The following KDM6B variants were observed in gnomAD, a reference collection of about 807,000 sequenced individuals.
KDM6B encodes the protein lysine demethylase 6B, also known as lysine-specific demethylase 6B.
A neutral mutation model predicts 150.4 loss-of-function variants in KDM6B; 22 were observed. That is an observed-to-expected ratio of 0.15 (90% confidence interval 0.10 to 0.21). The LOEUF (loss-of-function observed/expected upper bound fraction) is 0.21, where lower values mean the gene tolerates loss of function less well. Ranked by LOEUF, KDM6B falls within the 10% of genes least tolerant of loss-of-function variation. The pLI is 1.00. For synonymous variants in KDM6B, 1,148 were observed against 921.1 expected (o/e 1.25, Z -4.46); for missense variants, 1,984 against 2,234.3 (o/e 0.89, Z 2.26).
In KDM6B at chr17:7,850,069, C is replaced by T. The variant is rs766907483; in HGVS notation, c.3568-3C>T. The T allele has an allele frequency of 8.1e-6, 13 of 1,613,788 alleles. No homozygotes were observed. The highest frequency in any genetic ancestry group is 1.1e-5 in the Non-Finnish European group (13 of 1,179,932). On this transcript the variant is annotated splice_region_variant and splice_polypyrimidine_tract_variant and intron_variant, in intron 13 of 23. Transcript: ENST00000448097. Reference sequence around the variant, plus strand: ...GACCCCAGCTCTCCTGGTCATGTCTCAGCTGGAGAGCAAACGGGATGCCTT... The same window carrying T: ...GACCCCAGCTCTCCTGGTCATGTCTTAGCTGGAGAGCAAACGGGATGCCTT...
At chr17:7,842,536 G>A (rs918031279) in intron 2 of KDM6B, among the ~76,000 whole-genome samples, 2 of 152,192 alleles carry the variant, frequency 1.3e-5, no homozygotes, top group Non-Finnish European at 2.9e-5. Flanking sequence ...ATAGACACCG[G>A]GAGTCAGGGA....
At position 7,849,308 on chromosome 17, in the gene KDM6B, C is replaced by CCAAGGT; in HGVS notation, c.3022_3027dup (p.Lys1008_Val1009dup). On this transcript the variant is annotated inframe_insertion, in exon 12 of 24. Transcript: ENST00000448097. Reference sequence around the variant, plus strand: ...CGTGAGGGCAGGGCAAAGGCCAAGGCCAAGGTCCCCAAAGAAAAGAGCCGC... The same window carrying CCAAGGT: ...CGTGAGGGCAGGGCAAAGGCCAAGGCCAAGGTCAAGGTCCCCAAAGAAAAGAGCCGC... 3.8e-6 allele frequency: 6 copies of CCAAGGT among 1,560,714 alleles called. No homozygotes were observed. The highest frequency in any genetic ancestry group is 5.2e-6 in the Non-Finnish European group (6 of 1,152,426).
Position 7,852,994 on chromosome 17 carries a change from C to T in KDM6B, c.4611-6C>T, listed in dbSNP as rs1250658080. The T allele has an allele frequency of 1.2e-6, 2 of 1,613,710 alleles. No homozygotes were observed. Among genetic ancestry groups the T allele is most frequent in the Non-Finnish European group, 1.7e-6 (2 of 1,180,024 alleles). On this transcript the variant is annotated splice_region_variant and splice_polypyrimidine_tract_variant and intron_variant, in intron 21 of 23. Coordinates refer to ENST00000448097, the MANE Select transcript of KDM6B (RefSeq NM_001348716.2). ...GTGGTCTCAACACAACCCCACTGCT[C>T]CCCAGGTTCTGCCTGCTGCAGTCCA... is the stretch of plus-strand genomic sequence containing the variant.
At chr17:7,852,411 G>A (rs568754630) in intron 20 of KDM6B, 75 bp downstream of exon 20, 2 of 1,289,032 alleles carry the variant, frequency 1.6e-6, no homozygotes, top group Non-Finnish European at 2.1e-6. Context: ...GGCTTGGAGA[G>A]CCGCCAGCAG....
rs2078543386 is a variant in KDM6B, at chr17:7,846,574, C to T, written c.550-5C>T. On this transcript the variant is annotated splice_region_variant and splice_polypyrimidine_tract_variant and intron_variant, in intron 8 of 23. Transcript: ENST00000448097. ...CCATTTTCTCTTCTCTCTTTTTGTT[C>T]TCAGCACAAACGGAACTATGGAGCC... The T allele has an allele frequency of 4.3e-6, 7 of 1,614,048 alleles. No homozygotes were observed. Among genetic ancestry groups the T allele is most frequent in the South Asian group, 3.3e-5 (3 of 91,088 alleles).
intron 1 of KDM6B, among the ~76,000 whole-genome samples, chr17:7,839,646 G>A (rs2078385414): frequency 1.3e-5 from 2 of 152,272 alleles, no homozygotes; most frequent in African/African-American, 4.8e-5. Flanking sequence ...TGTCAGAAGA[G>A]GGATCACGGG....
Position 7,853,197 on chromosome 17 carries a change from C to T in KDM6B, c.4738-13C>T, listed in dbSNP as rs2151380328. Reference sequence around the variant, plus strand: ...CCTCCCTCCCCCTGACTGCACTGTCCTCCCTGCCCCAGGTGGAGGTGTTTA... The same window carrying T: ...CCTCCCTCCCCCTGACTGCACTGTCTTCCCTGCCCCAGGTGGAGGTGTTTA... On this transcript the variant is annotated splice_polypyrimidine_tract_variant and intron_variant, in intron 22 of 23. Transcript: ENST00000448097. 6.2e-7 allele frequency: 1 copy of T among 1,613,536 alleles called. No individual in the cohort carries two copies.
Position 7,846,095 on chromosome 17 carries a change from C to A in KDM6B, c.254C>A (p.Pro85His). ...YYAPGAPTPR[P>H]LHGKLESLHG... is the part of the protein sequence containing the mutation. Reference sequence around the variant, plus strand: ...CTCTGTAGGGCGCCCACTCCAAGACCCCTCCATGGGAAGCTGGAATCCCTG... The same window carrying A: ...CTCTGTAGGGCGCCCACTCCAAGACACCTCCATGGGAAGCTGGAATCCCTG... Residue 85 changes from proline to histidine, a missense_variant, in exon 7 of 24, where the codon CCC becomes CAC. Transcript: ENST00000448097. The A allele has an allele frequency of 6.2e-7, 1 of 1,612,082 alleles. No individual in the cohort carries two copies. The highest frequency in any genetic ancestry group is 8.5e-7 in the Non-Finnish European group (1 of 1,179,334).
chr17:7,845,175 G>A lies in KDM6B; in HGVS notation c.-148-139G>A, dbSNP rs371487519. On this transcript the variant is annotated intron_variant, in intron 3 of 23. Coordinates refer to ENST00000448097, the MANE Select transcript of KDM6B (RefSeq NM_001348716.2). Reference sequence around the variant, plus strand: ...TGGGCCTCTAGGGAGTGGTTGGGCCGGGCCTCCCTTTGGGGAAAGCTAAGG... The same window carrying A: ...TGGGCCTCTAGGGAGTGGTTGGGCCAGGCCTCCCTTTGGGGAAAGCTAAGG... The A allele has an allele frequency of 3.8e-4, 139 of 365,370 alleles. 1 individual carries two copies. Among genetic ancestry groups the A allele is most frequent in the African/African-American group, 2.7e-3 (129 of 47,832 alleles). 22.6% of individuals were successfully genotyped at this position (365,370 alleles called of 1,614,324 possible).
At chr17:7,837,939 A>C (rs746173930) in intron 1 of KDM6B, among the ~76,000 whole-genome samples, 1 of 151,914 alleles carries the variant, frequency 6.6e-6, no homozygotes, top group Non-Finnish European at 1.5e-5. Flanking sequence ...GATTAGCTTC[A>C]ACTGCTTTGT....
In KDM6B at chr17:7,843,857, A is replaced by G. The variant is rs887372807; in HGVS notation, c.-268-1044A>G. On this transcript the variant is annotated intron_variant, in intron 2 of 23. Coordinates refer to ENST00000448097, the MANE Select transcript of KDM6B (RefSeq NM_001348716.2). The surrounding 1 kb of genome is among the most constrained non-coding windows in gnomAD (Gnocchi z 4.5). ...TGGGCTCAGAGAGGCGAGAAGGAAGAGCTGGGGCTAAAGGGAAGGTGCCCA... is the reference window on the plus strand; with the variant it reads ...TGGGCTCAGAGAGGCGAGAAGGAAGGGCTGGGGCTAAAGGGAAGGTGCCCA... Among the ~76,000 whole-genome samples the G allele has an allele frequency of 6.6e-6, 1 of 151,398 alleles. No homozygotes were observed.
rs755846264 is a variant in KDM6B, at chr17:7,853,820, CCGG to C, written c.*309_*311del. 359 of 229,438 alleles carry C rather than the reference CCGG, an allele frequency of 1.6e-3. 1 individual carries two copies. Among genetic ancestry groups the C allele is most frequent in the Non-Finnish European group, 2.2e-3 (258 of 118,832 alleles). 14.2% of individuals were successfully genotyped at this position (229,438 alleles called of 1,614,324 possible). On this transcript the variant is annotated 3_prime_UTR_variant, in exon 24 of 24. Transcript: ENST00000448097. Reference sequence around the variant, plus strand: ...TAGCAACAGACACAAGGACCAGGCTCCGGCGGCGGCGGGGGTCACATACGGGTT... The same window carrying C: ...TAGCAACAGACACAAGGACCAGGCTCCGGCGGCGGGGGTCACATACGGGTT...
chr17:7,848,970 C>T lies in KDM6B; in HGVS notation c.2682C>T (p.Thr894=). The change falls in exon 12 of 24, where the codon ACC becomes ACT. Residue 894 remains threonine (T), a synonymous_variant. Transcript: ENST00000448097. The part of the protein sequence containing the change: ...AGEEPVPGPM[T]PTQPPPPLSL... ...AAGAGCCAGTCCCGGGCCCCATGAC[C>T]CCCACCCAACCGCCCCCACCCCTAT... 2 of 1,564,614 alleles carry T rather than the reference C, an allele frequency of 1.3e-6. No homozygotes were observed. Among genetic ancestry groups the T allele is most frequent in the Admixed American group, 1.8e-5 (1 of 56,682 alleles).
intron 14 of KDM6B, 147 bp downstream of exon 14, chr17:7,850,324 C>G (rs2078666017): frequency 1.5e-6 from 1 of 658,756 alleles, no homozygotes; most frequent in Non-Finnish European, 2.6e-6. Flanking sequence ...GGGCTCTTCT[C>G]CCATCTGTCT....
chr17:7,850,990 C>T (rs1462595761), intron 14 of KDM6B, 31 bp from the exon 15 acceptor site: 2 of 1,559,058 alleles, frequency 1.3e-6, no homozygotes, highest in Admixed American at 1.9e-5. Flanking sequence ...TCTGCCTCTG[C>T]CCCGACACCC....
At chr17:7,846,371 G>GGGGGGGCGCCCGGGGCCCCCCCCCCCCC in intron 7 of KDM6B, 29 bp from the exon 8 acceptor site, 1 of 1,488,924 alleles carries the variant, frequency 6.7e-7, no homozygotes, top group Non-Finnish European at 9.2e-7. Flanking sequence ...CCTGACATCT[G>GGGGGGGCGCCCGGGGCCCCCCCCCCCCC]CCCCTGCCCC....
rs1483985578 is a variant in KDM6B at position 7,845,658 on chromosome 17, C to A, written c.104C>A (p.Pro35His). ...AGAWSSCPPHPPPRSAWLPGG... is the reference protein window; with the variant it reads ...AGAWSSCPPHHPPRSAWLPGG... The stretch of plus-strand genomic sequence containing the variant: ...GCCTGGAGCTCCTGCCCGCCTCATC[C>A]CCCTCCTCGTAGCGCATGGCTGCCT... The change falls in exon 5 of 24, where the codon CCC (proline) becomes CAC (histidine). Residue 35 changes from proline to histidine, a missense_variant. Coordinates refer to ENST00000448097, the MANE Select transcript of KDM6B (RefSeq NM_001348716.2). The A allele has an allele frequency of 6.2e-7, 1 of 1,614,012 alleles. No individual in the cohort carries two copies. Among genetic ancestry groups the A allele is most frequent in the Non-Finnish European group, 8.5e-7 (1 of 1,180,022 alleles).
rs932231322 is a variant in KDM6B, at chr17:7,844,153, G to C, written c.-268-748G>C. 2 of 152,058 alleles carry C rather than the reference G, an allele frequency of 1.3e-5. No homozygotes were observed. Among genetic ancestry groups the C allele is most frequent in the African/African-American group, 4.8e-5 (2 of 41,390 alleles). 9.4% of individuals were successfully genotyped at this position (152,058 alleles called of 1,614,324 possible). ...GAAATCCCCCCTCCCTTGGGGGGCGGGGGCCACGTGGGCCGTGGGGAACCG... is the reference window on the plus strand; with the variant it reads ...GAAATCCCCCCTCCCTTGGGGGGCGCGGGCCACGTGGGCCGTGGGGAACCG... On this transcript the variant is annotated intron_variant, in intron 2 of 23. Transcript: ENST00000448097. This position sits in a 1 kb window ranked among gnomAD's most constrained non-coding sequence, Gnocchi z 5.9.
At chr17:7,852,930 G>T (rs2078730482) in intron 21 of KDM6B, 70 bp from the exon 22 acceptor site, 16 of 1,607,582 alleles carry the variant, frequency 1.0e-5, no homozygotes, top group Non-Finnish European at 1.4e-5. Flanking sequence ...CCACCCCTCT[G>T]CCCTTGCTCC....
Sources: gnomAD v4.1 joint callset for allele counts (sites outside exome capture counted in the v4.1 genomes callset) on GRCh38, gnomAD v4.1.1 for gene constraint, Gnocchi (gnomAD v3.1) non-coding constraint, MANE v1.5 for transcripts, NCBI Gene and HGNC (gene_info 2026-07-23, HGNC 2026-07-21) for gene names.